Variants in EDIL3 observed in about 807,000 individuals in gnomAD.
EDIL3 encodes the protein EGF-like repeat and discoidin I-like domain-containing protein 3.
In EDIL3, 37 loss-of-function variants were observed where a neutral mutation model predicts 67.4. The ratio of observed to expected loss-of-function variants is 0.55; its 90% CI spans 0.42 to 0.72. The LOEUF (loss-of-function observed/expected upper bound fraction) is 0.72. Among genes scored for constraint, EDIL3 ranks in the 30% least tolerant of loss-of-function variants. EDIL3 has a pLI of 0.00. For missense variants in EDIL3, 527 were observed against 586.3 expected, an observed-to-expected ratio of 0.90 and a Z score of 1.04; for synonymous variants, 195 against 196.3, an observed-to-expected ratio of 0.99 and a Z score of 0.05.
At chr5:84,234,806 C>T (rs1180416988) in intron 2 of EDIL3, among the ~76,000 whole-genome samples, 2 of 152,108 alleles carry the variant, frequency 1.3e-5, no homozygotes, top group African/African-American at 2.4e-5. Context: ...TGTTTTCAAG[C>T]ATATAATTAT....
intron 4 of EDIL3, among the ~76,000 whole-genome samples, chr5:84,153,491 CA>C (rs1307214462): frequency 6.6e-6 from 1 of 151,834 alleles, no homozygotes; most frequent in African/African-American, 2.4e-5. Flanking sequence ...GACGGGGTTT[CA>C]CCATATTGGT....
intron 3 of EDIL3, among the ~76,000 whole-genome samples, chr5:84,190,554 T>TGA (rs1299757785): frequency 3.5e-5 from 2 of 56,948 alleles, no homozygotes; most frequent in East Asian, 1.3e-3. Context: ...TATATATATG[T>TGA]GTGTGTGTGT....
intron 4 of EDIL3, among the ~76,000 whole-genome samples, chr5:84,141,959 C>CTATCTATCTATCTATCTATA (rs1748206294): frequency 7.6e-6 from 1 of 132,282 alleles, no homozygotes; most frequent in Non-Finnish European, 1.6e-5. Flanking sequence ...ATAGATCTAT[C>CTATCTATCTATCTATCTATA]TATCTATCTA....
At chr5:83,979,409 T>C (rs138093559) in intron 9 of EDIL3, among the ~76,000 whole-genome samples, 20 of 152,220 alleles carry the variant, frequency 1.3e-4, no homozygotes, top group African/African-American at 4.1e-4. Context: ...ATTGCACTCC[T>C]AGACATATTT....
intron 9 of EDIL3, among the ~76,000 whole-genome samples, chr5:84,015,811 T>C (rs1745595314): frequency 1.3e-5 from 2 of 152,156 alleles, no homozygotes; most frequent in Admixed American, 6.6e-5. Context: ...GCAGAAACTC[T>C]CTTGAGAAGT....
At chr5:83,982,131 C>G (rs1012852958) in intron 9 of EDIL3, among the ~76,000 whole-genome samples, 4 of 152,016 alleles carry the variant, frequency 2.6e-5, no homozygotes, top group Non-Finnish European at 5.9e-5. Context: ...TTTCTTAAAA[C>G]TATGAATAAC....
chr5:84,242,003 G>A (rs1383180562), intron 2 of EDIL3, among the ~76,000 whole-genome samples: 2 of 147,270 alleles, frequency 1.4e-5, no homozygotes, highest in African/African-American at 5.0e-5. Context: ...GGCAGATCAC[G>A]AAGTCAGGAG....
intron 9 of EDIL3, among the ~76,000 whole-genome samples, chr5:84,035,824 A>T (rs1268678275): frequency 6.6e-6 from 1 of 152,118 alleles, no homozygotes; most frequent in African/African-American, 2.4e-5. Flanking sequence ...GAATTCTCAG[A>T]CCAGATCTCT....
At chr5:84,087,104 T>A (rs774749063) in intron 6 of EDIL3, among the ~76,000 whole-genome samples, 3 of 152,214 alleles carry the variant, frequency 2.0e-5, no homozygotes, top group Non-Finnish European at 4.4e-5. Flanking sequence ...TAGCTAATAA[T>A]CTCTTTAATA....
At chr5:84,045,870 G>A (rs905695882) in intron 9 of EDIL3, among the ~76,000 whole-genome samples, 1 of 152,118 alleles carries the variant, frequency 6.6e-6, no homozygotes, top group African/African-American at 2.4e-5. Flanking sequence ...TCATAAATGA[G>A]AGACATTTAC....
intron 4 of EDIL3, among the ~76,000 whole-genome samples, chr5:84,160,742 TTTCTTTCCTTTCC>T (rs1221280987): frequency 0.06 from 8,319 of 138,844 alleles, 544 homozygotes; most frequent in South Asian, 0.095. Context: ...TTTCTTTTCT[TTTCTTTCCTTTCC>T]TTTCCTTTCC....
At position 84,294,163 on chromosome 5, in the gene EDIL3, C is replaced by T. The variant is rs181771996; in HGVS notation, c.68-39951G>A. ...CTTCAGGAGGCCGAGACGGGTGGATCACGAGGTCAGGAGATCGAGACCATC... is the reference window on the plus strand; with the variant it reads ...CTTCAGGAGGCCGAGACGGGTGGATTACGAGGTCAGGAGATCGAGACCATC... On this transcript the variant is annotated intron_variant, in intron 1 of 10. Transcript: ENST00000296591. Among the ~76,000 whole-genome samples, 11 of 150,480 alleles carry T rather than the reference C, an allele frequency of 7.3e-5. No homozygotes were observed. In the East Asian group the frequency reaches 2.1e-3, roughly 29 times the overall value.
Position 84,254,128 on chromosome 5 carries a change from G to T in EDIL3, c.152C>A (p.Pro51Gln). The change falls in exon 2 of 11, where the codon CCA (proline) becomes CAA (glutamine). Residue 51 changes from proline (P) to glutamine (Q), a missense_variant. Physicochemically the swap from Pro to Gln is moderately conservative, Grantham distance 76. Transcript: ENST00000296591. ...LADGSFSCEC[P>Q]DGFTDPNCSS... ...ACAGTTGGGGTCTGTGAAGCCATCT[G>T]GACACTCACAGGAAAAGGAACCATC... 5 of 1,612,758 alleles carry T rather than the reference G, an allele frequency of 3.1e-6. No homozygotes were observed. The highest frequency in any genetic ancestry group is 4.2e-6 in the Non-Finnish European group (5 of 1,179,360).
At chr5:84,157,265 C>T (rs1748509543) in intron 4 of EDIL3, among the ~76,000 whole-genome samples, 1 of 151,666 alleles carries the variant, frequency 6.6e-6, no homozygotes, top group African/African-American at 2.4e-5. Context: ...TACAACAAAC[C>T]CCCAAGACAC....
chr5:84,368,496 T>C (rs1468698575), intron 1 of EDIL3, among the ~76,000 whole-genome samples: 1 of 152,008 alleles, frequency 6.6e-6, no homozygotes, highest in Non-Finnish European at 1.5e-5. Context: ...AGATCAAATA[T>C]AAATCTAAGA....
chr5:84,103,721 A>G (rs1443608679), intron 6 of EDIL3, among the ~76,000 whole-genome samples: 2 of 152,024 alleles, frequency 1.3e-5, no homozygotes, highest in African/African-American at 4.8e-5. Context: ...ATAATAATAG[A>G]TGCTGGCAAG....
At chr5:84,061,322 T>C (rs1440285452) in intron 8 of EDIL3, among the ~76,000 whole-genome samples, 1 of 152,152 alleles carries the variant, frequency 6.6e-6, no homozygotes, top group Non-Finnish European at 1.5e-5. Flanking sequence ...ATTATATGCA[T>C]GCACATATGT....
intron 9 of EDIL3, among the ~76,000 whole-genome samples, chr5:83,964,384 G>A (rs1175190429): frequency 6.6e-6 from 1 of 151,818 alleles, no homozygotes; most frequent in Non-Finnish European, 1.5e-5. Context: ...TATTTCCTAT[G>A]ACTAAGTGCC....
rs1268861653 is a variant in EDIL3, at chr5:84,132,320, A to G, written c.469+4921T>C. On this transcript the variant is annotated intron_variant, in intron 5 of 10. Coordinates refer to ENST00000296591, the MANE Select transcript of EDIL3 (RefSeq NM_005711.5). ...TTTATATATAATATATATTATATAT[A>G]TTTTATATAATATATATTATATATA... 4.9e-5 allele frequency among the ~76,000 whole-genome samples: 4 copies of G among 82,258 alleles called. No homozygotes were observed. In the Admixed American group the frequency reaches 5.7e-4, roughly 12 times the overall value. 54.0% of individuals were successfully genotyped at this position (82,258 alleles called of 152,430 possible). A position where few individuals can be genotyped will look rare whatever the true frequency, so the allele number is the denominator to read the frequency against.
Sources: gnomAD v4.1 joint callset for allele counts (sites outside exome capture counted in the v4.1 genomes callset) on GRCh38, gnomAD v4.1.1 for gene constraint, MANE v1.5 for transcripts, NCBI Gene and HGNC (gene_info 2026-07-23, HGNC 2026-07-21) for gene names.